ZNF81: variants seen among roughly 807,000 people sequenced by gnomAD.
ZNF81 encodes the protein zinc finger protein 81 (HFZ20).
Under a neutral mutation model 32.3 loss-of-function variants are expected in ZNF81, and 5 were observed. The ratio of observed to expected loss-of-function variants is 0.15; its 90% CI spans 0.08 to 0.33. The LOEUF is 0.33. Ranked by LOEUF, ZNF81 falls within the 10% of genes least tolerant of loss-of-function variation. ZNF81 has a pLI of 1.00. For missense variants in ZNF81, 379 were observed against 479.8 expected (o/e 0.79, Z 1.96); for synonymous variants, 163 against 166.8 (o/e 0.98, Z 0.17).
rs781923514 is a variant in ZNF81 at position 47,925,215 on chromosome X, C to T, written c.*8583C>T. Among the ~76,000 whole-genome samples, 7 of 111,478 alleles carry T rather than the reference C, an allele frequency of 6.3e-5. No homozygotes were observed. Among genetic ancestry groups the T allele is most frequent in the South Asian group, 3.7e-4 (1 of 2,673 alleles). On this transcript the variant is annotated 3_prime_UTR_variant, in exon 5 of 5. Coordinates refer to ENST00000338637, the MANE Select transcript of ZNF81 (RefSeq NM_007137.5). ...AAGTGTACAATTTGATGAGTTTTGACGTGTGCACCTTTCCAACCATCATGA... is the reference window on the plus strand; with the variant it reads ...AAGTGTACAATTTGATGAGTTTTGATGTGTGCACCTTTCCAACCATCATGA...
chrX:47,891,171 C>A (rs1405256217), intron 3 of ZNF81, among the ~76,000 whole-genome samples: 1 of 112,594 alleles, frequency 8.9e-6, no homozygotes, highest in Non-Finnish European at 1.9e-5. Flanking sequence ...CAAACTGCTT[C>A]TAGTGGTCTT....
chrX:47,916,672 T>G lies in ZNF81; in HGVS notation c.*40T>G. 12 of 1,162,384 alleles carry G rather than the reference T, an allele frequency of 1.0e-5. No homozygotes were observed. Among genetic ancestry groups the G allele is most frequent in the Non-Finnish European group, 1.4e-5 (12 of 869,632 alleles). On this transcript the variant is annotated 3_prime_UTR_variant, in exon 5 of 5. Transcript: ENST00000338637. ...CTTGAAAATGAGAGCCTTATAAGGC[T>G]GACAAAAGTCAGGTCTAACTATATA...
chrX:47,890,875 C>T (rs1445204383), intron 3 of ZNF81, among the ~76,000 whole-genome samples: 1 of 111,821 alleles, frequency 8.9e-6, no homozygotes, highest in African/African-American at 3.3e-5. Context: ...TACCACTGGA[C>T]CCCTAGAAAT....
In ZNF81 at chrX:47,849,366, T is replaced by A. The variant is rs2058484129; in HGVS notation, c.54+3045T>A. On this transcript the variant is annotated intron_variant, in intron 2 of 4. Transcript: ENST00000338637. ...TACCCTGACTTTTATGATAATCACT[T>A]CCTTTAAGAAGAAAATCACAGCTGG... Among the ~76,000 whole-genome samples, 3 of 111,498 alleles carry A rather than the reference T, an allele frequency of 2.7e-5. No individual in the cohort carries two copies. The South Asian group carries it at 1.1e-3, about 41-fold the overall frequency.
intron 1 of ZNF81, chrX:47,841,313 G>A (rs1418576391): frequency 4.8e-6 from 3 of 629,586 alleles, no homozygotes; most frequent in African/African-American, 4.4e-5. Context: ...ACTATATGCA[G>A]CATTTTTAGG....
At position 47,846,157 on chromosome X, in the gene ZNF81, C is replaced by T; in HGVS notation, c.-111C>T. 1 of 920,280 alleles carries T rather than the reference C, an allele frequency of 1.1e-6. No individual in the cohort carries two copies. Among genetic ancestry groups the T allele is most frequent in the East Asian group, 3.4e-5 (1 of 29,504 alleles). The allele number at this position is 920,280 out of a possible 1,213,427, so 75.8% of individuals were successfully genotyped here. A position where few individuals can be genotyped will look rare whatever the true frequency, so the allele number is the denominator to read the frequency against. On this transcript the variant is annotated 5_prime_UTR_variant, in exon 2 of 5. Coordinates refer to ENST00000338637, the MANE Select transcript of ZNF81 (RefSeq NM_007137.5). ...GGGCCAGATCTCACAGTGAAAGCTG[C>T]AGGATCTTCCTTCTGACCCCAGCAG...
rs782751433 is a variant in ZNF81 at position 47,915,626 on chromosome X, A to G, written c.980A>G (p.Glu327Gly). Residue 327 changes from glutamate (E) to glycine (G), a missense_variant, in exon 5 of 5, where the codon GAA (glutamate) becomes GGA (glycine). Transcript: ENST00000338637. ...LSIYLRVHRD[E>G]KLYICTKCGK... ...ATATATCTGAGAGTTCATAGAGATG[A>G]AAAACTCTACATATGTACTAAATGT... 2.0e-5 allele frequency: 24 copies of G among 1,208,916 alleles called. No homozygotes were observed. The highest frequency in any genetic ancestry group is 4.6e-4 in the Middle Eastern group (2 of 4,346).
Position 47,846,322 on chromosome X carries a change from G to A in ZNF81, c.54+1G>A, listed in dbSNP as rs1556880501. ...AGGGGAACATGGCAGTGCCTGTGAG[G>A]TGAGGAGGAGGAAGAGGTGCCCAGG... is the stretch of plus-strand genomic sequence containing the variant. On this transcript the variant is annotated splice_donor_variant, in intron 2 of 4. Transcript: ENST00000338637. LOFTEE classifies it high-confidence loss of function. 2.5e-6 allele frequency: 3 copies of A among 1,206,986 alleles called. No homozygotes were observed. The highest frequency in any genetic ancestry group is 4.4e-5 in the Admixed American group (2 of 45,571).
At position 47,841,423 on chromosome X, in the gene ZNF81, G is replaced by A. The variant is rs1294124331; in HGVS notation, c.-164+4436G>A. On this transcript the variant is annotated intron_variant, in intron 1 of 4. Transcript: ENST00000338637. ...GTAAACTCACGCCATCAATCCTTTC[G>A]ATGTGTATGACAAAGGCCAAGGAAT... The A allele has an allele frequency of 4.6e-5, 42 of 909,583 alleles. 1 individual carries two copies. Among genetic ancestry groups the A allele is most frequent in the African/African-American group, 3.1e-4 (16 of 51,251 alleles). 75.0% of individuals were successfully genotyped at this position (909,583 alleles called of 1,213,427 possible).
chrX:47,884,754 A>G (rs953431470), intron 2 of ZNF81, among the ~76,000 whole-genome samples: 1 of 111,858 alleles, frequency 8.9e-6, no homozygotes, highest in Admixed American at 9.5e-5. Context: ...ATGGGTGTAC[A>G]GCTTTTGTCT....
intron 2 of ZNF81, among the ~76,000 whole-genome samples, chrX:47,859,248 A>T (rs2058530515): frequency 9.0e-6 from 1 of 111,601 alleles, no homozygotes; most frequent in African/African-American, 3.3e-5. Context: ...TAGTGACAAG[A>T]TTTGTATATG....
chrX:47,896,336 A>G (rs2058679872), intron 4 of ZNF81, among the ~76,000 whole-genome samples: 1 of 111,544 alleles, frequency 9.0e-6, no homozygotes, highest in Non-Finnish European at 1.9e-5. Flanking sequence ...TGACTTTTTG[A>G]AAATCCGTTG....
Position 47,904,962 on chromosome X carries a change from G to A in ZNF81, c.277+9022G>A, listed in dbSNP as rs1160129619. On this transcript the variant is annotated intron_variant, in intron 4 of 4. Transcript: ENST00000338637. ...ATCATTCTCAGTAAACTATCGCAAG[G>A]ACAAAAAACCAAACACCACATGTTC... Among the ~76,000 whole-genome samples, 66 of 109,903 alleles carry A rather than the reference G, an allele frequency of 6.0e-4. 1 individual carries two copies. Among genetic ancestry groups the A allele is most frequent in the East Asian group, 5.7e-4 (2 of 3,483 alleles).
At chrX:47,907,936 C>G (rs2058726469) in intron 4 of ZNF81, among the ~76,000 whole-genome samples, 1 of 111,781 alleles carries the variant, frequency 8.9e-6, no homozygotes, top group South Asian at 3.7e-4. Flanking sequence ...TCTCAACCCA[C>G]ATGGCTTCAT....
At chrX:47,883,710 A>G (rs2058629786) in intron 2 of ZNF81, among the ~76,000 whole-genome samples, 1 of 111,752 alleles carries the variant, frequency 8.9e-6, no homozygotes, top group Non-Finnish European at 1.9e-5. Context: ...ACTGATTTAG[A>G]CTTTTGTAAT....
At chrX:47,901,492 C>T (rs1351133618) in intron 4 of ZNF81, among the ~76,000 whole-genome samples, 1 of 111,488 alleles carries the variant, frequency 9.0e-6, no homozygotes, top group Admixed American at 9.5e-5. Flanking sequence ...CTTTCTATTC[C>T]TAGTTTGATG....
At chrX:47,849,779 A>G (rs782223313) in intron 2 of ZNF81, among the ~76,000 whole-genome samples, 1 of 112,373 alleles carries the variant, frequency 8.9e-6, no homozygotes, top group East Asian at 2.8e-4. Context: ...CAACAAAACA[A>G]CAAGAAAAAG....
chrX:47,909,477 T>C (rs1272382011), intron 4 of ZNF81, among the ~76,000 whole-genome samples: 9 of 111,201 alleles, frequency 8.1e-5, no homozygotes, highest in African/African-American at 2.9e-4. Flanking sequence ...CTTAAAGGGG[T>C]CTTCCATTTG....
At chrX:47,841,393 C>T (rs2058448527) in intron 1 of ZNF81, 8 of 753,974 alleles carry the variant, frequency 1.1e-5, no homozygotes, top group Middle Eastern at 3.1e-4. Context: ...TGGTTCTCTG[C>T]ACCAGTAAAC....
Sources: gnomAD v4.1 joint callset for allele counts (sites outside exome capture counted in the v4.1 genomes callset) on GRCh38, gnomAD v4.1.1 for gene constraint, MANE v1.5 for transcripts, NCBI Gene and HGNC (gene_info 2026-07-23, HGNC 2026-07-21) for gene names.